SLC36A1: variants seen among roughly 807,000 people sequenced by gnomAD.
SLC36A1 encodes proton-coupled amino acid transporter 1.
A neutral mutation model predicts 47.5 loss-of-function variants in SLC36A1; 30 were observed. The observed-to-expected ratio is 0.63, with a 90% CI of 0.47 to 0.86. The LOEUF is 0.86. Ranked by LOEUF, SLC36A1 falls within the 40% of genes least tolerant of loss-of-function variation. The pLI, the probability that SLC36A1 is intolerant of heterozygous loss-of-function variation, is 0.00. For missense variants in SLC36A1, 517 were observed against 606.0 expected (o/e 0.85, Z 1.54); for synonymous variants, 255 against 249.7 (o/e 1.02, Z -0.20).
the SLC36A1 span, among the ~76,000 whole-genome samples, chr5:151,383,021 C>T: frequency 6.6e-6 from 1 of 152,212 alleles, no homozygotes; most frequent in Non-Finnish European, 1.5e-5. Flanking sequence ...ACCTCGGCCT[C>T]CCAAAGTGCT....
At chr5:151,382,053 G>T in the SLC36A1 span, 1 of 696,802 alleles carries the variant, frequency 1.4e-6, no homozygotes. Context: ...TGCCCTTCCT[G>T]TTACAGGAGG....
the SLC36A1 span, among the ~76,000 whole-genome samples, chr5:151,513,280 A>G: frequency 6.6e-6 from 1 of 152,242 alleles, no homozygotes. Flanking sequence ...AAAAATATAT[A>G]AAGACATACA....
chr5:151,353,765 G>C, the SLC36A1 span, among the ~76,000 whole-genome samples: 1 of 152,030 alleles, frequency 6.6e-6, no homozygotes. Context: ...TATTTTCACT[G>C]TCTCCATAGT....
intron 1 of SLC36A1, among the ~76,000 whole-genome samples, chr5:151,440,460 A>G (rs2127440262): frequency 6.6e-6 from 1 of 151,972 alleles, no homozygotes; most frequent in Non-Finnish European, 1.5e-5. Context: ...AGGAGGATGG[A>G]TCAGGGACCC....
At chr5:151,550,818 T>G in the SLC36A1 span, 4 of 1,613,772 alleles carry the variant, frequency 2.5e-6, no homozygotes, top group African/African-American at 4.0e-5. Context: ...CATAACGAGT[T>G]TCCAGAAACT....
chr5:151,462,896 G>A (rs1053360662), intron 2 of SLC36A1, among the ~76,000 whole-genome samples: 3 of 149,354 alleles, frequency 2.0e-5, no homozygotes, highest in Non-Finnish European at 4.5e-5. Context: ...TTTTTTTTGA[G>A]ATGGAGTCTC....
upstream of SLC36A1, among the ~76,000 whole-genome samples, chr5:151,445,540 T>A (rs10075373): frequency 7.4e-3 from 1,129 of 152,202 alleles, 16 homozygotes; most frequent in African/African-American, 0.025. Flanking sequence ...TTTGGAAGAG[T>A]TTAGTAACAA....
the SLC36A1 span, among the ~76,000 whole-genome samples, chr5:151,409,348 C>T: frequency 6.6e-6 from 1 of 152,102 alleles, no homozygotes; most frequent in Non-Finnish European, 1.5e-5. Context: ...CAGGAGGGCC[C>T]TCAGGAGGCA....
At chr5:151,356,321 G>C in the SLC36A1 span, among the ~76,000 whole-genome samples, 20,340 of 99,106 alleles carry the variant, frequency 0.21, 2,051 homozygotes, top group Non-Finnish European at 0.26. Flanking sequence ...CTAGGCAACA[G>C]AGCAAGGCTC....
chr5:151,545,858 T>C, the SLC36A1 span: 6 of 1,614,200 alleles, frequency 3.7e-6, no homozygotes, highest in South Asian at 1.1e-5. Context: ...TTTAAGAACA[T>C]AGGAGCATTG....
At chr5:151,362,987 T>C in the SLC36A1 span, among the ~76,000 whole-genome samples, 1 of 152,212 alleles carries the variant, frequency 6.6e-6, no homozygotes, top group Non-Finnish European at 1.5e-5. Context: ...TGTACTGTTA[T>C]TTCTTGTGGA....
the SLC36A1 span, chr5:151,553,249 C>A: frequency 1.2e-6 from 2 of 1,614,248 alleles, no homozygotes; most frequent in Admixed American, 3.3e-5. Flanking sequence ...TTCACAGGGT[C>A]CGTCTCCATG....
intron 2 of SLC36A1, among the ~76,000 whole-genome samples, chr5:151,459,554 T>C (rs1308303687): frequency 6.6e-6 from 1 of 152,232 alleles, no homozygotes; most frequent in Non-Finnish European, 1.5e-5. Context: ...ATGCTGGCTG[T>C]GTGGGGCTCA....
At chr5:151,544,322 G>A in the SLC36A1 span, 4 of 1,614,156 alleles carry the variant, frequency 2.5e-6, no homozygotes, top group South Asian at 4.4e-5. Context: ...AAAGTGGGAG[G>A]GTTATCATTG....
the SLC36A1 span, chr5:151,550,717 G>T: frequency 6.2e-7 from 1 of 1,614,164 alleles, no homozygotes; most frequent in Non-Finnish European, 8.5e-7. Context: ...GCCATGTATG[G>T]TATAGATGAG....
the SLC36A1 span, chr5:151,422,263 A>T: frequency 6.6e-6 from 1 of 152,258 alleles, no homozygotes; most frequent in Admixed American, 6.5e-5. Flanking sequence ...AGAGTTGAAG[A>T]GGTATGTTAG....
At chr5:151,377,094 CAGTTTT>C in the SLC36A1 span, among the ~76,000 whole-genome samples, 1 of 152,118 alleles carries the variant, frequency 6.6e-6, no homozygotes, top group Non-Finnish European at 1.5e-5. Context: ...CATAGGGTTT[CAGTTTT>C]TAAAAATTTA....
chr5:151,349,505 T>C, the SLC36A1 span, among the ~76,000 whole-genome samples: 1 of 152,120 alleles, frequency 6.6e-6, no homozygotes, highest in African/African-American at 2.4e-5. Flanking sequence ...AAAGATATTA[T>C]TCCCCTTCAA....
chr5:151,456,080 A>C (rs1048319660), intron 1 of SLC36A1, among the ~76,000 whole-genome samples: 4 of 152,206 alleles, frequency 2.6e-5, no homozygotes, highest in Non-Finnish European at 5.9e-5. Context: ...GGGATTCCTC[A>C]GATAAAAAGT....
Sources: gnomAD v4.1 joint callset for allele counts (sites outside exome capture counted in the v4.1 genomes callset) on GRCh38, gnomAD v4.1.1 for gene constraint, MANE v1.5 for transcripts, NCBI Gene and HGNC (gene_info 2026-07-23, HGNC 2026-07-21) for gene names.